ATP11A: variants seen among roughly 807,000 people sequenced by gnomAD.
ATP11A encodes the protein phospholipid-transporting ATPase IH.
A neutral mutation model predicts 154.4 loss-of-function variants in ATP11A; 81 were observed. The ratio of observed to expected loss-of-function variants is 0.52; its 90% confidence interval spans 0.44 to 0.63. The LOEUF is 0.63. ATP11A is among the 30% of genes least tolerant of loss of function. The pLI, the probability that ATP11A is intolerant of heterozygous loss-of-function variation, is 0.00. For missense variants in ATP11A, 1,316 were observed against 1,474.3 expected (o/e 0.89, Z 1.76); for synonymous variants, 623 against 585.9 (o/e 1.06, Z -0.91).
In ATP11A at chr13:112,882,089, CTG is replaced by C. The variant is rs763484178; in HGVS notation, c.*226_*227del. Reference sequence around the variant, plus strand: ...ATGGATGGTCCTAAGCCTGTGGAGACTGTGCACGTGCCTCTTCCTGGCCCCCA... The same window carrying C: ...ATGGATGGTCCTAAGCCTGTGGAGACTGCACGTGCCTCTTCCTGGCCCCCA... On this transcript the variant is annotated 3_prime_UTR_variant, in exon 30 of 30. Transcript: ENST00000375645. This position sits in a 1 kb window ranked among gnomAD's most constrained non-coding sequence, Gnocchi z 5.1. The C allele has an allele frequency of 2.2e-4, 294 of 1,362,190 alleles. No homozygotes were observed. The highest frequency in any genetic ancestry group is 2.2e-4 in the Non-Finnish European group (229 of 1,018,904). 84.4% of individuals were successfully genotyped at this position (1,362,190 alleles called of 1,614,324 possible).
At position 112,883,118 on chromosome 13, in the gene ATP11A, G is replaced by A. The variant is rs1054652924; in HGVS notation, c.*1252G>A. The A allele has an allele frequency of 4.6e-5, 11 of 239,822 alleles. No homozygotes were observed. The highest frequency in any genetic ancestry group is 1.3e-4 in the Admixed American group (1 of 7,948). 14.9% of individuals were successfully genotyped at this position (239,822 alleles called of 1,614,324 possible). On this transcript the variant is annotated 3_prime_UTR_variant, in exon 30 of 30. Coordinates refer to ENST00000375645, the MANE Select transcript of ATP11A (RefSeq NM_015205.3). The stretch of plus-strand genomic sequence containing the variant: ...TGTCACCTCGTCCCCACGTCCCCTC[G>A]TCTCCTCATCCCCACGTCCTCTCGT...
intron 3 of ATP11A, among the ~76,000 whole-genome samples, chr13:112,805,287 C>T (rs1212772284): frequency 3.9e-5 from 6 of 152,242 alleles, no homozygotes; most frequent in African/African-American, 1.2e-4. Context: ...CTGCCCCTTT[C>T]CTTCTAGTAC....
chr13:112,832,451 A>G (rs775519091), intron 13 of ATP11A, among the ~76,000 whole-genome samples: 5 of 152,136 alleles, frequency 3.3e-5, no homozygotes, highest in Admixed American at 6.5e-5. Flanking sequence ...TGGTTAGGAG[A>G]ACGTCCCCAT....
Position 112,875,902 on chromosome 13 carries a change from G to C in ATP11A, c.3288G>C (p.Leu1096=). 6.2e-7 allele frequency: 1 copy of C among 1,613,236 alleles called. No homozygotes were observed. The highest frequency in any genetic ancestry group is 8.5e-7 in the Non-Finnish European group (1 of 1,180,030). The part of the protein sequence containing the change: ...SLLPDVLKKV[L]CRQLWPTATE... ...TTCCCGACGTCCTCAAGAAAGTCCT[G>C]TGCCGGCAGCTGTGGCCAACAGCAA... Residue 1096 remains leucine (L), a synonymous_variant, in exon 28 of 30, where the codon CTG becomes CTC. Transcript: ENST00000375645. This position sits in a 1 kb window ranked among gnomAD's most constrained non-coding sequence, Gnocchi z 4.1.
rs1405884485 is a variant in ATP11A at position 112,854,196 on chromosome 13, T to C, written c.1992-83T>C. ...AGGGGCTACGATATTTTGACAGCTT[T>C]GCAAGTTTCTGCAGTTCCTTATTTG... On this transcript the variant is annotated intron_variant, in intron 18 of 29. Transcript: ENST00000375645. 4 of 1,530,666 alleles carry C rather than the reference T, an allele frequency of 2.6e-6. No individual in the cohort carries two copies. In the East Asian group the frequency reaches 9.1e-5, roughly 35 times the overall value. The allele number at this position is 1,530,666 out of a possible 1,614,324, so 94.8% of individuals were successfully genotyped here. A position where few individuals can be genotyped will look rare whatever the true frequency, so the allele number is the denominator to read the frequency against.
In ATP11A at chr13:112,785,036, G is replaced by C. The variant is rs1202702792; in HGVS notation, c.40-99G>C. On this transcript the variant is annotated intron_variant, in intron 1 of 29. Transcript: ENST00000375645. The surrounding 1 kb of genome is among the most constrained non-coding windows in gnomAD (Gnocchi z 4.8). ...ACGATGCTCTCAGCAGCAGGTACAG[G>C]TCTCCGTTCCGACGAACGTGCCTCA... The C allele has an allele frequency of 4.5e-6, 6 of 1,337,366 alleles. No homozygotes were observed. The highest frequency in any genetic ancestry group is 3.9e-6 in the Non-Finnish European group (4 of 1,031,546). 82.8% of individuals were successfully genotyped at this position (1,337,366 alleles called of 1,614,324 possible). A position where few individuals can be genotyped will look rare whatever the true frequency, so the allele number is the denominator to read the frequency against.
At chr13:112,762,498 C>T (rs1368019524) in intron 1 of ATP11A, among the ~76,000 whole-genome samples, 1 of 152,066 alleles carries the variant, frequency 6.6e-6, no homozygotes, top group Non-Finnish European at 1.5e-5. Flanking sequence ...TGTCTTCAGT[C>T]CCGGCCGTGG....
At chr13:112,742,326 A>G (rs988898524) in intron 1 of ATP11A, among the ~76,000 whole-genome samples, 5 of 152,076 alleles carry the variant, frequency 3.3e-5, no homozygotes, top group Admixed American at 1.3e-4. Flanking sequence ...GTCACCTCCC[A>G]TGTCGAGTTG....
intron 5 of ATP11A, among the ~76,000 whole-genome samples, chr13:112,813,397 A>G (rs1463111418): frequency 1.3e-5 from 2 of 152,150 alleles, no homozygotes; most frequent in Non-Finnish European, 2.9e-5. Flanking sequence ...GGCTGTTTTC[A>G]GGCAGTCTAA....
intron 22 of ATP11A, 86 bp downstream of exon 22, chr13:112,858,376 A>G (rs1316359248): frequency 7.2e-7 from 1 of 1,384,570 alleles, no homozygotes; most frequent in Admixed American, 2.3e-5. Context: ...ACTTGATGCC[A>G]CAAGAGGTCA....
intron 25 of ATP11A, among the ~76,000 whole-genome samples, chr13:112,869,640 G>T (rs1398867945): frequency 1.3e-5 from 2 of 152,226 alleles, no homozygotes; most frequent in African/African-American, 4.8e-5. Flanking sequence ...GGCAGCGTCA[G>T]GGGCTTTTCC....
chr13:112,822,523 G>T (rs1223701139), intron 8 of ATP11A, among the ~76,000 whole-genome samples: 2 of 152,136 alleles, frequency 1.3e-5, no homozygotes, highest in Admixed American at 1.3e-4. Flanking sequence ...GCCAGATAGA[G>T]TATCAGCCTT....
intron 25 of ATP11A, among the ~76,000 whole-genome samples, chr13:112,871,150 G>A (rs1224813025): frequency 6.6e-6 from 1 of 152,178 alleles, no homozygotes; most frequent in African/African-American, 2.4e-5. Flanking sequence ...TGCCTGGGGT[G>A]TTTCCTCTGC....
At chr13:112,708,332 T>C (rs982643890) in intron 1 of ATP11A, among the ~76,000 whole-genome samples, 2 of 152,224 alleles carry the variant, frequency 1.3e-5, no homozygotes, top group African/African-American at 4.8e-5. Flanking sequence ...TGTTTGAGCC[T>C]AGTTATAATG....
intron 17 of ATP11A, among the ~76,000 whole-genome samples, chr13:112,846,554 G>A (rs541341608): frequency 1.9e-3 from 286 of 152,220 alleles, no homozygotes; most frequent in African/African-American, 2.2e-3. Context: ...CCTCGCTAAC[G>A]GATGGGACGT....
At position 112,834,574 on chromosome 13, in the gene ATP11A, C is replaced by T; in HGVS notation, c.1560-15C>T. 1 of 1,594,892 alleles carries T rather than the reference C, an allele frequency of 6.3e-7. No homozygotes were observed. Among genetic ancestry groups the T allele is most frequent in the Non-Finnish European group, 8.6e-7 (1 of 1,162,696 alleles). ...GAATCTCAGATTCACCCCGAGGTTT[C>T]CCTTCTCATTGCAGACTTGGCTTTA... is the stretch of plus-strand genomic sequence containing the variant. On this transcript the variant is annotated splice_polypyrimidine_tract_variant and intron_variant, in intron 14 of 29. Coordinates refer to ENST00000375645, the MANE Select transcript of ATP11A (RefSeq NM_015205.3).
At chr13:112,853,793 ATAT>A (rs1457427085) in intron 18 of ATP11A, among the ~76,000 whole-genome samples, 1 of 152,196 alleles carries the variant, frequency 6.6e-6, no homozygotes, top group Non-Finnish European at 1.5e-5. Context: ...TCAGTATTTT[ATAT>A]TATTTAGAGG....
At chr13:112,839,253 C>A (rs2079326899) in intron 16 of ATP11A, among the ~76,000 whole-genome samples, 1 of 151,972 alleles carries the variant, frequency 6.6e-6, no homozygotes, top group African/African-American at 2.4e-5. Context: ...ACACAGAAGA[C>A]CGACTCGAAA....
intron 1 of ATP11A, among the ~76,000 whole-genome samples, chr13:112,773,640 T>C (rs1350564135): frequency 6.6e-6 from 1 of 152,202 alleles, no homozygotes; most frequent in African/African-American, 2.4e-5. Context: ...CAGAAACAGC[T>C]TTTTCCTGTG....
Sources: gnomAD v4.1 joint callset for allele counts (sites outside exome capture counted in the v4.1 genomes callset) on GRCh38, gnomAD v4.1.1 for gene constraint, Gnocchi (gnomAD v3.1) non-coding constraint, MANE v1.5 for transcripts, NCBI Gene and HGNC (gene_info 2026-07-23, HGNC 2026-07-21) for gene names.